NKD1: variants seen among roughly 807,000 people sequenced by gnomAD.
The protein encoded by NKD1 is NKD inhibitor of Wnt signaling pathway 1, also known as protein naked cuticle homolog 1.
In NKD1, 21 loss-of-function variants were observed where a neutral mutation model predicts 56.0. The ratio of observed to expected loss-of-function variants is 0.38; its 90% CI spans 0.27 to 0.54. The LOEUF is 0.54. Among genes scored for constraint, NKD1 ranks in the 20% least tolerant of loss-of-function variants. NKD1 has a pLI of 0.82. For missense variants in NKD1, 578 were observed against 642.7 expected (o/e 0.90, Z 1.09); for synonymous variants, 263 against 265.7 (o/e 0.99, Z 0.10).
Position 50,646,932 on chromosome 16 carries a change from G to A in NKD1, c.*13151G>A, listed in dbSNP as rs1962692222. The A allele has an allele frequency of 1.3e-5, 2 of 152,256 alleles. No homozygotes were observed. Among genetic ancestry groups the A allele is most frequent in the Non-Finnish European group, 2.9e-5 (2 of 68,044 alleles). The allele number at this position is 152,256 out of a possible 1,614,324, so 9.4% of individuals were successfully genotyped here. A position where few individuals can be genotyped will look rare whatever the true frequency, so the allele number is the denominator to read the frequency against. On this transcript the variant is annotated 3_prime_UTR_variant, in exon 10 of 10. Coordinates refer to ENST00000268459, the MANE Select transcript of NKD1 (RefSeq NM_033119.5). ...CAGACCCCACCACATTCAGCCCTCT[G>A]TGCTTTTCTTGTCTCCCACATCCCC... is the stretch of plus-strand genomic sequence containing the variant.
At chr16:50,622,748 T>C (rs181671981) in intron 5 of NKD1, among the ~76,000 whole-genome samples, 1 of 152,180 alleles carries the variant, frequency 6.6e-6, no homozygotes, top group Non-Finnish European at 1.5e-5. Flanking sequence ...TTCTCACCAA[T>C]GCTGATTGGC....
chr16:50,554,309 A>T (rs540253487), intron 3 of NKD1, among the ~76,000 whole-genome samples: 3 of 152,288 alleles, frequency 2.0e-5, no homozygotes, highest in Non-Finnish European at 4.4e-5. Context: ...GTGGGGATGG[A>T]TGGATCGATG....
At chr16:50,569,065 A>G (rs1446524773) in intron 3 of NKD1, among the ~76,000 whole-genome samples, 2 of 152,198 alleles carry the variant, frequency 1.3e-5, no homozygotes, top group African/African-American at 2.4e-5. Context: ...TGGGAGATCT[A>G]TCATCTCAGC....
chr16:50,564,673 A>C (rs967617799), intron 3 of NKD1, among the ~76,000 whole-genome samples: 9 of 152,190 alleles, frequency 5.9e-5, no homozygotes, highest in African/African-American at 2.2e-4. Context: ...CAGAGGGCAC[A>C]CAGCCAGAGA....
intron 3 of NKD1, among the ~76,000 whole-genome samples, chr16:50,599,113 G>T (rs1368997618): frequency 1.3e-5 from 2 of 152,118 alleles, no homozygotes; most frequent in African/African-American, 2.4e-5. Context: ...AGGCCTTCTG[G>T]GGTGATGAGG....
chr16:50,621,238 C>T (rs939577593), intron 4 of NKD1, among the ~76,000 whole-genome samples: 3 of 152,232 alleles, frequency 2.0e-5, no homozygotes, highest in African/African-American at 7.2e-5. Flanking sequence ...AGAAAATGGC[C>T]ATGGTCCCTA....
At chr16:50,595,894 A>T (rs1039069008) in intron 3 of NKD1, among the ~76,000 whole-genome samples, 2 of 152,060 alleles carry the variant, frequency 1.3e-5, no homozygotes, top group Non-Finnish European at 1.5e-5. Context: ...GGCCTTCTAG[A>T]TCCCCATACT....
intron 3 of NKD1, among the ~76,000 whole-genome samples, chr16:50,562,760 G>T (rs12920383): frequency 0.084 from 12,782 of 152,062 alleles, 768 homozygotes; most frequent in East Asian, 0.32. Flanking sequence ...AGAGGGATGA[G>T]GGGGGAGGAG....
chr16:50,583,697 C>T (rs1007804477), intron 3 of NKD1, among the ~76,000 whole-genome samples: 6 of 152,082 alleles, frequency 3.9e-5, no homozygotes, highest in African/African-American at 9.7e-5. Context: ...AGAAAGATGC[C>T]GTGTCCCCTG....
rs368877980 is a variant in NKD1, at chr16:50,615,669, A to C, written c.260-5933A>C. 3.2e-4 allele frequency among the ~76,000 whole-genome samples: 49 copies of C among 152,240 alleles called. 2 individuals carry two copies. Among genetic ancestry groups the C allele is most frequent in the African/African-American group, 1.1e-3 (47 of 41,520 alleles). On this transcript the variant is annotated intron_variant, in intron 4 of 9. Coordinates refer to ENST00000268459, the MANE Select transcript of NKD1 (RefSeq NM_033119.5). ...AAGCCTTTGGACCCCTCCTTAGGGG[A>C]AAGGGGGCCACTGGAGGGGTTTAAG...
chr16:50,555,641 GC>G, intron 3 of NKD1: 1 of 152,732 alleles, frequency 6.5e-6, no homozygotes, highest in Non-Finnish European at 1.5e-5. Flanking sequence ...AGCTAATCAT[GC>G]CCCAGAACTG....
intron 3 of NKD1, chr16:50,574,079 A>G (rs1960942174): frequency 1.2e-6 from 1 of 827,574 alleles, no homozygotes; most frequent in African/African-American, 1.8e-5. Flanking sequence ...ACAGATGGTA[A>G]AACTGAGGCT....
chr16:50,613,317 G>A (rs1596743435), intron 4 of NKD1, among the ~76,000 whole-genome samples: 1 of 152,174 alleles, frequency 6.6e-6, no homozygotes, highest in Non-Finnish European at 1.5e-5. Context: ...TTCTCAGGAA[G>A]TAGCCACGGA....
intron 4 of NKD1, among the ~76,000 whole-genome samples, chr16:50,610,203 CA>C (rs1474409906): frequency 6.6e-6 from 1 of 151,988 alleles, no homozygotes; most frequent in Non-Finnish European, 1.5e-5. Context: ...TTTAAAAAAT[CA>C]AAAAACCACA....
At chr16:50,599,917 C>T (rs1317072969) in intron 3 of NKD1, among the ~76,000 whole-genome samples, 2 of 151,796 alleles carry the variant, frequency 1.3e-5, no homozygotes, top group African/African-American at 4.8e-5. Context: ...GTTTTTTTTC[C>T]CCCATTAGTC....
chr16:50,614,719 C>T (rs1206542401), intron 4 of NKD1, among the ~76,000 whole-genome samples: 3 of 152,174 alleles, frequency 2.0e-5, no homozygotes, highest in Non-Finnish European at 4.4e-5. Context: ...AGCTCATGTC[C>T]AGAAATGCCT....
At position 50,564,575 on chromosome 16, in the gene NKD1, C is replaced by T. The variant is rs903227025; in HGVS notation, c.192+15020C>T. The stretch of plus-strand genomic sequence containing the variant: ...GTTCTTTGTGGCTCACTCTTGTATC[C>T]CTGGGCCTTTTGCACTGATTGGCAC... On this transcript the variant is annotated intron_variant, in intron 3 of 9. Coordinates refer to ENST00000268459, the MANE Select transcript of NKD1 (RefSeq NM_033119.5). 5.3e-5 allele frequency among the ~76,000 whole-genome samples: 8 copies of T among 152,164 alleles called. No individual in the cohort carries two copies. In the South Asian group the frequency reaches 1.5e-3, roughly 28 times the overall value.
intron 3 of NKD1, among the ~76,000 whole-genome samples, chr16:50,592,545 G>A (rs1179369202): frequency 6.6e-6 from 1 of 152,208 alleles, no homozygotes; most frequent in African/African-American, 2.4e-5. Flanking sequence ...AGGGCCTTCA[G>A]TAATGAGGGA....
At chr16:50,575,340 A>G in intron 3 of NKD1, 1 of 985,382 alleles carries the variant, frequency 1.0e-6, no homozygotes, top group Non-Finnish European at 1.2e-6. Flanking sequence ...TTTGCTTCAT[A>G]GGCCAGAGCC....
Sources: allele counts gnomAD v4.1 joint callset (sites outside exome capture counted in the v4.1 genomes callset), GRCh38; gene constraint gnomAD v4.1.1; transcripts MANE v1.5; gene names NCBI Gene and HGNC (gene_info 2026-07-23, HGNC 2026-07-21).